TRIM46: variants seen among roughly 807,000 people sequenced by gnomAD.
TRIM46 encodes tripartite motif-containing protein 46.
A neutral mutation model predicts 69.7 loss-of-function variants in TRIM46; 17 were observed. The observed-to-expected ratio is 0.24, with a 90% CI of 0.17 to 0.37. The LOEUF is 0.37. Ranked by LOEUF, TRIM46 falls within the 10% of genes least tolerant of loss-of-function variation. TRIM46 has a pLI of 1.00. For missense variants in TRIM46, 675 were observed against 1,025.1 expected (o/e 0.66, Z 4.66); for synonymous variants, 391 against 429.0 (o/e 0.91, Z 1.09).
rs1665909588 is a variant in TRIM46 at position 155,178,856 on chromosome 1, C to T, written c.1285+243C>T. ...CTCCGGAGCACCCCAGGCAAGTCAG[C>T]GGCCCTGCCCCGGGGGCCCTGCCCG... On this transcript the variant is annotated intron_variant, in intron 7 of 9. Transcript: ENST00000334634. 4.9e-6 allele frequency: 7 copies of T among 1,434,160 alleles called. 1 individual carries two copies. The highest frequency in any genetic ancestry group is 2.4e-5 in the South Asian group (2 of 82,270). 88.8% of individuals were successfully genotyped at this position (1,434,160 alleles called of 1,614,324 possible).
Position 155,181,918 on chromosome 1 carries a change from A to G in TRIM46, c.1655A>G (p.Gln552Arg). ...GAGCGGCTGGCTATCAGCAAGGACC[A>G]GCGAGCAGTACGGAGTGTTCCAGGG... The part of the protein sequence containing the change: ...SRERLAISKD[Q>R]RAVRSVPGLP... The change falls in exon 9 of 10, where the codon CAG (glutamine) becomes CGG (arginine). Residue 552 changes from glutamine to arginine, a missense_variant. Transcript: ENST00000334634. This position sits in a 1 kb window ranked among gnomAD's most constrained non-coding sequence, Gnocchi z 4.3. 1 of 1,614,046 alleles carries G rather than the reference A, an allele frequency of 6.2e-7. No individual in the cohort carries two copies. The highest frequency in any genetic ancestry group is 8.5e-7 in the Non-Finnish European group (1 of 1,180,032).
chr1:155,180,303 A>G (rs1362827609), intron 8 of TRIM46: 1 of 329,656 alleles, frequency 3.0e-6, no homozygotes, highest in East Asian at 5.0e-5. Flanking sequence ...CCGATCTCTA[A>G]AAAAATAAAT....
intron 6 of TRIM46, 74 bp downstream of exon 6, chr1:155,178,329 G>A (rs1571742818): frequency 1.3e-6 from 2 of 1,559,684 alleles, no homozygotes; most frequent in Middle Eastern, 1.7e-4. Context: ...AATGTCTACA[G>A]TACTGCCAGG....
Position 155,173,882 on chromosome 1 carries a change from C to A in TRIM46, c.-85C>A, listed in dbSNP as rs1665388848. ...ACCTCAACCCCCAGCCCTCCTCACACCCCCACTGGGCTCCTGCATTAAGCC... is the reference window on the plus strand; with the variant it reads ...ACCTCAACCCCCAGCCCTCCTCACAACCCCACTGGGCTCCTGCATTAAGCC... On this transcript the variant is annotated 5_prime_UTR_variant, in exon 1 of 10. Transcript: ENST00000334634. 1 of 1,395,480 alleles carries A rather than the reference C, an allele frequency of 7.2e-7. No homozygotes were observed. The highest frequency in any genetic ancestry group is 2.0e-5 in the Admixed American group (1 of 50,710). The allele number at this position is 1,395,480 out of a possible 1,614,324, so 86.4% of individuals were successfully genotyped here.
chr1:155,178,889 G>A, intron 7 of TRIM46: 2 of 1,374,350 alleles, frequency 1.5e-6, no homozygotes, highest in Non-Finnish European at 1.9e-6. Flanking sequence ...CCGCCGCCGG[G>A]CCCCCTTCCC....
Position 155,178,488 on chromosome 1 carries a change from C to G in TRIM46, c.1164-4C>G. The G allele has an allele frequency of 6.2e-7, 1 of 1,613,814 alleles. No homozygotes were observed. The highest frequency in any genetic ancestry group is 8.5e-7 in the Non-Finnish European group (1 of 1,180,018). ...TGCCTGACCCTTTCTTGCCCCCATC[C>G]CAGGATTGCCCGAGCCACTGAAGCC... On this transcript the variant is annotated splice_polypyrimidine_tract_variant and splice_region_variant and intron_variant, in intron 6 of 9. Coordinates refer to ENST00000334634, the MANE Select transcript of TRIM46 (RefSeq NM_025058.5).
chr1:155,180,601 AAAAT>A (rs111910059), intron 8 of TRIM46: 136 of 198,980 alleles, frequency 6.8e-4, no homozygotes, highest in Non-Finnish European at 9.3e-4. Flanking sequence ...ACGTCTCGGA[AAAAT>A]AAATAAATAA....
rs115518177 is a variant in TRIM46 at position 155,174,968 on chromosome 1, G to A, written c.64-418G>A. The A allele has an allele frequency of 3.8e-3, 5,339 of 1,387,302 alleles. 159 individuals carry two copies. The African/African-American group carries it at 0.071, about 18-fold the overall frequency. 85.9% of individuals were successfully genotyped at this position (1,387,302 alleles called of 1,614,324 possible). ...TCGCCTGGCTATCGGGAGGAATCACGGCATGGGGGTGCTGCTAGAGAAGGG... is the reference window on the plus strand; with the variant it reads ...TCGCCTGGCTATCGGGAGGAATCACAGCATGGGGGTGCTGCTAGAGAAGGG... On this transcript the variant is annotated intron_variant, in intron 1 of 9. Coordinates refer to ENST00000334634, the MANE Select transcript of TRIM46 (RefSeq NM_025058.5).
chr1:155,177,412 T>C (rs1345776779), intron 5 of TRIM46, 122 bp downstream of exon 5: 2 of 862,308 alleles, frequency 2.3e-6, no homozygotes, highest in Non-Finnish European at 3.8e-6. Context: ...GGTGTCCAGG[T>C]TCTGGTTAAA....
chr1:155,174,685 GCCA>G (rs747840366), intron 1 of TRIM46: 21 of 1,443,936 alleles, frequency 1.5e-5, no homozygotes, highest in South Asian at 2.8e-5. Context: ...CCCCACTCTC[GCCA>G]CCAAGAGGGG....
Position 155,181,521 on chromosome 1 carries a change from G to A in TRIM46, c.1589-331G>A, listed in dbSNP as rs1557816603. ...GATGGTGATGGGAATGTCACCAGGT[G>A]GAACAGAATAGTGGGAACTGTCCAT... On this transcript the variant is annotated intron_variant, in intron 8 of 9. Transcript: ENST00000334634. This position sits in a 1 kb window ranked among gnomAD's most constrained non-coding sequence, Gnocchi z 4.3. Among the ~76,000 whole-genome samples the A allele has an allele frequency of 6.6e-6, 1 of 152,118 alleles. No homozygotes were observed. Among genetic ancestry groups the A allele is most frequent in the Non-Finnish European group, 1.5e-5 (1 of 68,024 alleles).
intron 8 of TRIM46, chr1:155,180,390 T>G (rs990789288): frequency 3.0e-6 from 1 of 337,864 alleles, no homozygotes. Context: ...AGGTCAAGAG[T>G]TTGAGACCAG....
rs1489554850 is a variant in TRIM46, at chr1:155,173,883, C to T, written c.-84C>T. 3.6e-5 allele frequency: 51 copies of T among 1,401,184 alleles called. No individual in the cohort carries two copies. The highest frequency in any genetic ancestry group is 2.0e-6 in the Non-Finnish European group (2 of 1,017,268). 86.8% of individuals were successfully genotyped at this position (1,401,184 alleles called of 1,614,324 possible). On this transcript the variant is annotated 5_prime_UTR_variant, in exon 1 of 10. Transcript: ENST00000334634. Reference sequence around the variant, plus strand: ...CCTCAACCCCCAGCCCTCCTCACACCCCCACTGGGCTCCTGCATTAAGCCC... The same window carrying T: ...CCTCAACCCCCAGCCCTCCTCACACTCCCACTGGGCTCCTGCATTAAGCCC...
rs1286018818 is a variant in TRIM46, at chr1:155,179,699, G to T, written c.1353G>T (p.Arg451=). The T allele has an allele frequency of 6.2e-7, 1 of 1,613,234 alleles. No homozygotes were observed. The part of the protein sequence containing the change: ...FAYDQIFLCW[R]LPPHSPPAWH... ...ATGATCAGATCTTCCTGTGCTGGCGGCTGCCCCCCCATTCACCACCTGCCT... is the reference window on the plus strand; with the variant it reads ...ATGATCAGATCTTCCTGTGCTGGCGTCTGCCCCCCCATTCACCACCTGCCT... The change falls in exon 8 of 10, where the codon CGG becomes CGT. Residue 451 remains arginine, a synonymous_variant. Transcript: ENST00000334634.
rs936440451 is a variant in TRIM46, at chr1:155,181,366, G to A, written c.1589-486G>A. On this transcript the variant is annotated intron_variant, in intron 8 of 9. Transcript: ENST00000334634. The surrounding 1 kb of genome is among the most constrained non-coding windows in gnomAD (Gnocchi z 4.3). The stretch of plus-strand genomic sequence containing the variant: ...CGGCTCATGGTTAGGGCTCAAGAAT[G>A]TTACTAAAGTGACTAGAAAATAGTT... Among the ~76,000 whole-genome samples, 28 of 152,328 alleles carry A rather than the reference G, an allele frequency of 1.8e-4. No homozygotes were observed. Among genetic ancestry groups the A allele is most frequent in the African/African-American group, 6.7e-4 (28 of 41,562 alleles).
rs2147779776 is a variant in TRIM46 at position 155,176,189 on chromosome 1, C to T, written c.627C>T (p.Ala209=). Residue 209 remains alanine, a synonymous_variant, in exon 3 of 10, where the codon GCC becomes GCT. Coordinates refer to ENST00000334634, the MANE Select transcript of TRIM46 (RefSeq NM_025058.5). ...KLFHPWGTQK[A]QHEPTLPTLS... is the part of the protein sequence containing the mutation. Reference sequence around the variant, plus strand: ...TCCACCCCTGGGGCACCCAGAAGGCCCAGCATGAGCCCACCCTGCCTACCC... The same window carrying T: ...TCCACCCCTGGGGCACCCAGAAGGCTCAGCATGAGCCCACCCTGCCTACCC... 2.5e-6 allele frequency: 4 copies of T among 1,611,390 alleles called. No homozygotes were observed. In the East Asian group the frequency reaches 8.9e-5, roughly 36 times the overall value.
At chr1:155,174,739 C>CAA in intron 1 of TRIM46, 1 of 1,454,344 alleles carries the variant, frequency 6.9e-7, no homozygotes, top group African/African-American at 1.4e-5. Flanking sequence ...AGGCGGGGCT[C>CAA]TTGATTCCCC....
Position 155,181,807 on chromosome 1 carries a change from G to T in TRIM46, c.1589-45G>T, listed in dbSNP as rs1220573737. Reference sequence around the variant, plus strand: ...CTCACAGCCCCCAGTGCCAGTGTTTGTCCCTGAAGTTCTTGCTCCATCTCA... The same window carrying T: ...CTCACAGCCCCCAGTGCCAGTGTTTTTCCCTGAAGTTCTTGCTCCATCTCA... On this transcript the variant is annotated intron_variant, in intron 8 of 9. Coordinates refer to ENST00000334634, the MANE Select transcript of TRIM46 (RefSeq NM_025058.5). This position sits in a 1 kb window ranked among gnomAD's most constrained non-coding sequence, Gnocchi z 4.3. 6.4e-7 allele frequency: 1 copy of T among 1,572,736 alleles called. No individual in the cohort carries two copies. The highest frequency in any genetic ancestry group is 1.7e-5 in the Admixed American group (1 of 58,002).
Position 155,184,055 on chromosome 1 carries a change from G to A in TRIM46, c.2145G>A (p.Glu715=). The A allele has an allele frequency of 1.2e-6, 2 of 1,614,128 alleles. No individual in the cohort carries two copies. Among genetic ancestry groups the A allele is most frequent in the Non-Finnish European group, 1.7e-6 (2 of 1,180,040 alleles). Residue 715 remains glutamate (E), a synonymous_variant, in exon 10 of 10, where the codon GAG becomes GAA. Transcript: ENST00000334634. The surrounding 1 kb of genome is among the most constrained non-coding windows in gnomAD (Gnocchi z 5.6). ...CTGTTTCCTTCCGTGGGCTCTTGGA[G>A]TGCCCCCTGGACTGCTCAGGGCCTG... ...LDAVSFRGLL[E]CPLDCSGPVC...
Sources: gnomAD v4.1 joint callset for allele counts (sites outside exome capture counted in the v4.1 genomes callset) on GRCh38, gnomAD v4.1.1 for gene constraint, Gnocchi (gnomAD v3.1) non-coding constraint, MANE v1.5 for transcripts, NCBI Gene and HGNC (gene_info 2026-07-23, HGNC 2026-07-21) for gene names.